Variants in GALNT17 observed in about 807,000 individuals in gnomAD.
GALNT17 encodes UDP-GalNAc:polypeptide N-acetylgalactosaminyltransferase-like 3.
GALNT17 carries 29 observed loss-of-function variants against 63.7 expected under a neutral mutation model. The ratio of observed to expected loss-of-function variants is 0.46; its 90% confidence interval spans 0.34 to 0.62. The LOEUF (loss-of-function observed/expected upper bound fraction) is 0.62, where lower values mean the gene tolerates loss of function less well. GALNT17 is among the 20% of genes least tolerant of loss of function. The probability of loss-of-function intolerance (pLI) is 0.01; values close to 1 mark genes in which losing one functional copy is unlikely to be tolerated. For missense variants in GALNT17, 603 were observed against 799.6 expected, an observed-to-expected ratio of 0.75 and a Z score of 2.97; for synonymous variants, 305 against 318.3, an observed-to-expected ratio of 0.96 and a Z score of 0.45.
chr7:71,294,576 G>C (rs1791044047), intron 1 of GALNT17, among the ~76,000 whole-genome samples: 1 of 151,678 alleles, frequency 6.6e-6, no homozygotes, highest in South Asian at 2.1e-4. Context: ...CACCATGCCT[G>C]GCTAATTTTT....
At chr7:71,331,670 A>G (rs1791810425) in intron 1 of GALNT17, among the ~76,000 whole-genome samples, 1 of 151,954 alleles carries the variant, frequency 6.6e-6, no homozygotes, top group Non-Finnish European at 1.5e-5. Flanking sequence ...CGCTGTGATT[A>G]TACCACTGCA....
At chr7:71,475,759 A>C (rs889909057) in intron 5 of GALNT17, among the ~76,000 whole-genome samples, 11 of 152,174 alleles carry the variant, frequency 7.2e-5, no homozygotes, top group African/African-American at 2.7e-4. Flanking sequence ...CTTTCTCAAC[A>C]GAAAGTTAAT....
intron 5 of GALNT17, among the ~76,000 whole-genome samples, chr7:71,489,458 T>A (rs892996792): frequency 6.6e-6 from 1 of 152,238 alleles, no homozygotes; most frequent in Non-Finnish European, 1.5e-5. Flanking sequence ...ACTTAACTGT[T>A]CTGAGCCTGT....
Position 71,650,725 on chromosome 7 carries a change from G to C in GALNT17, c.1081-14686G>C, listed in dbSNP as rs1393624711. Reference sequence around the variant, plus strand: ...CCTTTAATCCCAGGCAAAATGCAAAGAAATGACAGTAGAAGGATGGAGGAC... The same window carrying C: ...CCTTTAATCCCAGGCAAAATGCAAACAAATGACAGTAGAAGGATGGAGGAC... On this transcript the variant is annotated intron_variant, in intron 6 of 10. Transcript: ENST00000333538. Among the ~76,000 whole-genome samples the C allele has an allele frequency of 2.0e-5, 3 of 152,290 alleles. No individual in the cohort carries two copies. In the East Asian group the frequency reaches 5.8e-4, roughly 29 times the overall value.
chr7:71,289,690 A>C (rs1486984528), intron 1 of GALNT17, among the ~76,000 whole-genome samples: 1 of 151,910 alleles, frequency 6.6e-6, no homozygotes, highest in Non-Finnish European at 1.5e-5. Context: ...GACCAGCCTG[A>C]CCAAGATAGA....
chr7:71,298,868 T>C (rs999444696), intron 1 of GALNT17, among the ~76,000 whole-genome samples: 2 of 152,110 alleles, frequency 1.3e-5, no homozygotes, highest in Admixed American at 1.3e-4. Flanking sequence ...TAAAATATGA[T>C]TTTAAAAAGT....
At chr7:71,662,178 G>T (rs1032309920) in intron 6 of GALNT17, among the ~76,000 whole-genome samples, 15 of 152,066 alleles carry the variant, frequency 9.9e-5, no homozygotes, top group Admixed American at 3.3e-4. Flanking sequence ...TGGGTTTCAG[G>T]CTTTTGCTAA....
At chr7:71,577,012 C>T (rs911053187) in intron 6 of GALNT17, among the ~76,000 whole-genome samples, 1 of 152,152 alleles carries the variant, frequency 6.6e-6, no homozygotes. Context: ...ACGTAGACAC[C>T]ACAGAATACC....
intron 1 of GALNT17, chr7:71,284,426 C>G (rs984205489): frequency 6.6e-6 from 1 of 152,224 alleles, no homozygotes; most frequent in Non-Finnish European, 1.5e-5. Flanking sequence ...GAACTCCAGA[C>G]CTCAACTGAT....
intron 1 of GALNT17, among the ~76,000 whole-genome samples, chr7:71,287,220 G>T (rs1790891305): frequency 6.6e-6 from 1 of 152,094 alleles, no homozygotes; most frequent in African/African-American, 2.4e-5. Flanking sequence ...CTCTTGAGTA[G>T]CTGAGACTAC....
At chr7:71,263,828 G>A (rs1340546188) in intron 1 of GALNT17, among the ~76,000 whole-genome samples, 1 of 152,086 alleles carries the variant, frequency 6.6e-6, no homozygotes, top group African/African-American at 2.4e-5. Flanking sequence ...GGAGGCTGAG[G>A]CAGGAGAATG....
In GALNT17 at chr7:71,677,344, A is replaced by G. The variant is rs372239416; in HGVS notation, c.1500+38A>G. 4 of 1,582,890 alleles carry G rather than the reference A, an allele frequency of 2.5e-6. No homozygotes were observed. In the African/African-American group the frequency reaches 4.1e-5, roughly 16 times the overall value. ...CTCTGACCAGGAAGGAAGTAATATCACCATCTCCGACCCACAGAGGCCTTG... is the reference window on the plus strand; with the variant it reads ...CTCTGACCAGGAAGGAAGTAATATCGCCATCTCCGACCCACAGAGGCCTTG... On this transcript the variant is annotated intron_variant, in intron 9 of 10. Transcript: ENST00000333538.
intron 6 of GALNT17, among the ~76,000 whole-genome samples, chr7:71,613,515 C>T (rs1401587213): frequency 6.6e-6 from 1 of 152,182 alleles, no homozygotes; most frequent in Non-Finnish European, 1.5e-5. Flanking sequence ...TCCTTCTTTC[C>T]ATGAGTAGCC....
At chr7:71,342,408 C>T (rs113758196) in intron 2 of GALNT17, among the ~76,000 whole-genome samples, 5,895 of 152,200 alleles carry the variant, frequency 0.039, 324 homozygotes, top group African/African-American at 0.11. Flanking sequence ...GATCCAGACA[C>T]CTCCCACTAG....
rs370088229 is a variant in GALNT17 at position 71,437,554 on chromosome 7, G to A, written c.962+16449G>A. Among the ~76,000 whole-genome samples the A allele has an allele frequency of 2.0e-4, 30 of 152,274 alleles. 1 individual carries two copies. In the South Asian group the frequency reaches 5.2e-3, roughly 26 times the overall value. Reference sequence around the variant, plus strand: ...CCTAGTTGGTCGGCTCTGCGTGGCCGTCCACAGCTGACTGCTGCCTTCCCA... The same window carrying A: ...CCTAGTTGGTCGGCTCTGCGTGGCCATCCACAGCTGACTGCTGCCTTCCCA... On this transcript the variant is annotated intron_variant, in intron 5 of 10. Coordinates refer to ENST00000333538, the MANE Select transcript of GALNT17 (RefSeq NM_022479.3).
At chr7:71,525,740 T>C (rs1396496093) in intron 5 of GALNT17, among the ~76,000 whole-genome samples, 2 of 141,116 alleles carry the variant, frequency 1.4e-5, no homozygotes, top group African/African-American at 5.3e-5. Flanking sequence ...TCTTTTCTTT[T>C]TTTTTTTTTT....
intron 5 of GALNT17, among the ~76,000 whole-genome samples, chr7:71,490,128 G>A (rs181015132): frequency 1.3e-5 from 2 of 151,882 alleles, no homozygotes; most frequent in South Asian, 4.2e-4. Flanking sequence ...GCGTGGTGGC[G>A]GCACCTGTAA....
chr7:71,248,129 A>G (rs554478232), intron 1 of GALNT17, among the ~76,000 whole-genome samples: 42 of 152,198 alleles, frequency 2.8e-4, no homozygotes, highest in Non-Finnish European at 4.7e-4. Flanking sequence ...GAAACTTACA[A>G]TCATGGTGGA....
intron 1 of GALNT17, among the ~76,000 whole-genome samples, chr7:71,210,104 G>A (rs766539229): frequency 6.6e-6 from 1 of 152,032 alleles, no homozygotes; most frequent in Non-Finnish European, 1.5e-5. Flanking sequence ...TGTAGTTTTA[G>A]TAGAGATGGG....
Sources: allele counts gnomAD v4.1 joint callset (sites outside exome capture counted in the v4.1 genomes callset), GRCh38; gene constraint gnomAD v4.1.1; transcripts MANE v1.5; gene names NCBI Gene and HGNC (gene_info 2026-07-23, HGNC 2026-07-21).